Variants in REDIC1 observed in about 807,000 individuals in gnomAD.
The protein encoded by REDIC1 is regulator of DNA class I crossover intermediates 1, also known as HEI10 Interacting Protein 1.
the REDIC1 span, among the ~76,000 whole-genome samples, chr12:39,673,136 G>A: frequency 1.3e-5 from 2 of 152,062 alleles, no homozygotes; most frequent in African/African-American, 2.4e-5. Flanking sequence ...CATCTGCCTA[G>A]CCTCCCTCTC....
the REDIC1 span, among the ~76,000 whole-genome samples, chr12:39,824,002 C>A: frequency 6.6e-6 from 1 of 152,016 alleles, no homozygotes; most frequent in Non-Finnish European, 1.5e-5. Flanking sequence ...AACATCATAT[C>A]CTCTCATTTA....
At chr12:39,890,455 C>A in the REDIC1 span, among the ~76,000 whole-genome samples, 2 of 152,112 alleles carry the variant, frequency 1.3e-5, no homozygotes, top group Non-Finnish European at 2.9e-5. Context: ...TGTTGCTCAT[C>A]AATTGACCTT....
chr12:39,728,332 A>T, the REDIC1 span, among the ~76,000 whole-genome samples: 1 of 152,088 alleles, frequency 6.6e-6, no homozygotes, highest in East Asian at 1.9e-4. Flanking sequence ...TATCTAGTTT[A>T]TTGAGAGTTT....
chr12:39,822,940 G>C, the REDIC1 span, among the ~76,000 whole-genome samples: 1 of 152,168 alleles, frequency 6.6e-6, no homozygotes, highest in Non-Finnish European at 1.5e-5. Flanking sequence ...TTACTCAGAA[G>C]TGTTTTGGTC....
chr12:39,845,812 T>C, the REDIC1 span, among the ~76,000 whole-genome samples: 3 of 152,058 alleles, frequency 2.0e-5, no homozygotes, highest in East Asian at 5.8e-4. Context: ...ATTAGGGAAG[T>C]GGTGTTGGGG....
chr12:39,682,539 T>A, the REDIC1 span: 6 of 1,188,938 alleles, frequency 5.0e-6, no homozygotes, highest in Non-Finnish European at 6.9e-6. Context: ...CCTCTAAGAA[T>A]TGAAAGTAAG....
the REDIC1 span, among the ~76,000 whole-genome samples, chr12:39,681,414 A>G: frequency 2.0e-5 from 3 of 152,328 alleles, no homozygotes; most frequent in East Asian, 1.9e-4. Context: ...AGTAACCACC[A>G]CTAAAGAACT....
the REDIC1 span, chr12:39,641,065 A>G: frequency 8.2e-7 from 1 of 1,216,078 alleles, no homozygotes; most frequent in African/African-American, 1.5e-5. Context: ...TTCTACCACT[A>G]ATACATTCAC....
the REDIC1 span, among the ~76,000 whole-genome samples, chr12:39,679,370 A>G: frequency 1.3e-5 from 2 of 152,232 alleles, no homozygotes; most frequent in Non-Finnish European, 2.9e-5. Context: ...ACACTGAATA[A>G]GCTGAGAATC....
At chr12:39,774,584 CT>C in the REDIC1 span, among the ~76,000 whole-genome samples, 97,595 of 130,142 alleles carry the variant, frequency 0.75, 36,044 homozygotes, top group Non-Finnish European at 0.8. Context: ...ATTGTCCAGC[CT>C]TTTTTTTTTT....
chr12:39,789,639 G>C, the REDIC1 span, among the ~76,000 whole-genome samples: 4 of 152,172 alleles, frequency 2.6e-5, no homozygotes, highest in Non-Finnish European at 5.9e-5. Flanking sequence ...TGTGTCGTAA[G>C]AAGTTGAAAC....
chr12:39,712,638 CATTT>C, the REDIC1 span, among the ~76,000 whole-genome samples: 12 of 142,076 alleles, frequency 8.4e-5, no homozygotes, highest in South Asian at 2.2e-4. Flanking sequence ...TATGTATACA[CATTT>C]ATATTTATGT....
the REDIC1 span, among the ~76,000 whole-genome samples, chr12:39,662,847 T>C: frequency 6.6e-6 from 1 of 152,132 alleles, no homozygotes; most frequent in Non-Finnish European, 1.5e-5. Context: ...GGGTGTTGAA[T>C]TTTATTGCAT....
At chr12:39,774,749 T>A in the REDIC1 span, among the ~76,000 whole-genome samples, 64 of 152,238 alleles carry the variant, frequency 4.2e-4, no homozygotes, top group African/African-American at 1.5e-3. Context: ...CCTTAGAAAT[T>A]TGGAGCAAAA....
chr12:39,852,106 G>A, the REDIC1 span, among the ~76,000 whole-genome samples: 3 of 152,316 alleles, frequency 2.0e-5, no homozygotes, highest in South Asian at 6.2e-4. Flanking sequence ...GATGCATAAA[G>A]TGATTTCTAA....
At chr12:39,834,004 C>A in the REDIC1 span, among the ~76,000 whole-genome samples, 2,137 of 151,632 alleles carry the variant, frequency 0.014, 39 homozygotes, top group African/African-American at 0.047. Flanking sequence ...AGAATCTGAA[C>A]AAACAGGCCT....
the REDIC1 span, among the ~76,000 whole-genome samples, chr12:39,744,679 C>G: frequency 1.3e-5 from 2 of 151,952 alleles, no homozygotes; most frequent in Admixed American, 1.3e-4. Context: ...AGAAATATAA[C>G]TGAAATAAAT....
the REDIC1 span, among the ~76,000 whole-genome samples, chr12:39,712,864 C>CATAT: frequency 3.6e-4 from 5 of 13,712 alleles, no homozygotes; most frequent in Admixed American, 5.6e-3. Flanking sequence ...TATGTATATA[C>CATAT]ACGTATATAC....
At chr12:39,879,450 G>T in the REDIC1 span, among the ~76,000 whole-genome samples, 3 of 152,236 alleles carry the variant, frequency 2.0e-5, no homozygotes, top group African/African-American at 4.8e-5. Flanking sequence ...CAAGGGTAAA[G>T]GTGCCCAAGG....
Sources: allele counts gnomAD v4.1 joint callset (sites outside exome capture counted in the v4.1 genomes callset), GRCh38; gene constraint gnomAD v4.1.1; transcripts MANE v1.5; gene names NCBI Gene and HGNC (gene_info 2026-07-23, HGNC 2026-07-21).